Variants in KLF8 observed in about 807,000 individuals in gnomAD.
KLF8 encodes KLF transcription factor 8.
KLF8 carries 10 observed loss-of-function variants against 18.2 expected under a neutral mutation model. The ratio of observed to expected loss-of-function variants is 0.55; its 90% confidence interval spans 0.34 to 0.93. KLF8 has a LOEUF of 0.93. Ranked by LOEUF, KLF8 falls within the 40% of genes least tolerant of loss-of-function variation. The probability of loss-of-function intolerance (pLI) is 0.02; values close to 1 mark genes in which losing one functional copy is unlikely to be tolerated. For synonymous variants in KLF8, 109 were observed against 97.3 expected (o/e 1.12, Z -0.71); for missense variants, 264 against 277.9 (o/e 0.95, Z 0.36).
intron 2 of KLF8, among the ~76,000 whole-genome samples, chrX:56,263,207 C>T (rs1161056456): frequency 9.0e-6 from 1 of 111,379 alleles, no homozygotes; most frequent in Non-Finnish European, 1.9e-5. Context: ...CTACTCCCCC[C>T]TTATCTGGAT....
At chrX:55,991,438 C>G in the KLF8 span, among the ~76,000 whole-genome samples, 1 of 111,896 alleles carries the variant, frequency 8.9e-6, no homozygotes, top group Non-Finnish European at 1.9e-5. Flanking sequence ...ATTCCGTGAC[C>G]CCTTTCACTT....
At chrX:55,992,922 T>C in the KLF8 span, among the ~76,000 whole-genome samples, 4 of 111,654 alleles carry the variant, frequency 3.6e-5, 1 homozygote, top group Admixed American at 3.8e-4. Context: ...TGTATAGAAA[T>C]GCTACTGATT....
the KLF8 span, among the ~76,000 whole-genome samples, chrX:56,160,016 G>A: frequency 8.9e-6 from 1 of 111,886 alleles, no homozygotes; most frequent in African/African-American, 3.3e-5. Context: ...GCTTTCTAAT[G>A]TGGGCATTTA....
the KLF8 span, among the ~76,000 whole-genome samples, chrX:55,945,688 G>A: frequency 1.8e-5 from 2 of 111,218 alleles, no homozygotes; most frequent in African/African-American, 3.3e-5. Flanking sequence ...AGGAAAAGAG[G>A]AAGTCAAATT....
chrX:56,097,131 T>C, the KLF8 span, among the ~76,000 whole-genome samples: 1 of 111,654 alleles, frequency 9.0e-6, no homozygotes, highest in Non-Finnish European at 1.9e-5. Context: ...AGTTCAGGTG[T>C]GTCTAATGCT....
At chrX:55,948,307 A>T in the KLF8 span, among the ~76,000 whole-genome samples, 1 of 111,833 alleles carries the variant, frequency 8.9e-6, no homozygotes, top group Non-Finnish European at 1.9e-5. Flanking sequence ...ACCCTTTTAA[A>T]GTGAAGAGTT....
chrX:55,920,337 A>G, the KLF8 span, among the ~76,000 whole-genome samples: 6 of 111,643 alleles, frequency 5.4e-5, no homozygotes, highest in Non-Finnish European at 1.1e-4. Context: ...AAAAAAAACA[A>G]TTCTGGTAAT....
chrX:56,141,433 C>T, the KLF8 span, among the ~76,000 whole-genome samples: 5 of 110,985 alleles, frequency 4.5e-5, no homozygotes, highest in Non-Finnish European at 7.5e-5. Context: ...GCTGGTTTGC[C>T]AAGTGCAATC....
At chrX:56,277,391 G>A (rs749210010) in intron 5 of KLF8, among the ~76,000 whole-genome samples, 8 of 112,070 alleles carry the variant, frequency 7.1e-5, no homozygotes, top group African/African-American at 2.6e-4. Context: ...AAGCCCTATG[G>A]TTCTTGCAGA....
the KLF8 span, among the ~76,000 whole-genome samples, chrX:55,969,436 C>T: frequency 7.2e-5 from 8 of 111,421 alleles, no homozygotes; most frequent in Non-Finnish European, 1.5e-4. Context: ...TCTAAACCTA[C>T]AGGATGCAGT....
the KLF8 span, among the ~76,000 whole-genome samples, chrX:55,956,884 T>G: frequency 8.9e-6 from 1 of 111,948 alleles, no homozygotes; most frequent in Admixed American, 9.5e-5. Context: ...CTTTGATACA[T>G]AAGTTTTTAA....
At chrX:56,038,623 G>A in the KLF8 span, among the ~76,000 whole-genome samples, 1 of 112,173 alleles carries the variant, frequency 8.9e-6, no homozygotes, top group Admixed American at 9.4e-5. Flanking sequence ...ATCATTAATG[G>A]GCATTTGGAT....
chrX:56,063,199 G>A, the KLF8 span, among the ~76,000 whole-genome samples: 1 of 111,324 alleles, frequency 9.0e-6, no homozygotes, highest in Non-Finnish European at 1.9e-5. Flanking sequence ...ATCCAGTTTT[G>A]TTCCTTTGCT....
the KLF8 span, among the ~76,000 whole-genome samples, chrX:56,122,759 T>C: frequency 9.0e-6 from 1 of 110,580 alleles, no homozygotes; most frequent in East Asian, 2.8e-4. Flanking sequence ...TATATATATA[T>C]TTCATTTTTA....
At chrX:55,965,895 G>A in the KLF8 span, among the ~76,000 whole-genome samples, 4 of 111,566 alleles carry the variant, frequency 3.6e-5, no homozygotes, top group Non-Finnish European at 7.5e-5. Context: ...CTGGCTCAGA[G>A]GGCAGCCCAC....
At chrX:56,043,725 C>A in the KLF8 span, among the ~76,000 whole-genome samples, 1 of 112,070 alleles carries the variant, frequency 8.9e-6, no homozygotes, top group Non-Finnish European at 1.9e-5. Context: ...TGATTCTTAA[C>A]TTTTTTGCAT....
the KLF8 span, among the ~76,000 whole-genome samples, chrX:56,200,404 T>C: frequency 9.1e-6 from 1 of 110,397 alleles, no homozygotes; most frequent in Non-Finnish European, 1.9e-5. Flanking sequence ...TAATATTAAA[T>C]GGTGTTGGGA....
chrX:56,028,729 C>T, the KLF8 span, among the ~76,000 whole-genome samples: 2 of 111,221 alleles, frequency 1.8e-5, no homozygotes, highest in East Asian at 2.8e-4. Context: ...GACACCTGAC[C>T]CCGGGTCTTC....
chrX:55,988,684 G>A, the KLF8 span, among the ~76,000 whole-genome samples: 1 of 111,339 alleles, frequency 9.0e-6, no homozygotes, highest in South Asian at 3.7e-4. Flanking sequence ...TGGCGATGTG[G>A]GCTCTTTTTT....
Sources: allele counts gnomAD v4.1 joint callset (sites outside exome capture counted in the v4.1 genomes callset), GRCh38; gene constraint gnomAD v4.1.1; transcripts MANE v1.5; gene names NCBI Gene and HGNC (gene_info 2026-07-23, HGNC 2026-07-21).